The following TAF1 variants were observed in gnomAD, a reference collection of about 807,000 sequenced individuals.
The protein encoded by TAF1 is TATA-box binding protein associated factor 1, also known as transcription initiation factor TFIID subunit 1.
A neutral mutation model predicts 138.5 loss-of-function variants in TAF1; 2 were observed. The ratio of observed to expected loss-of-function variants is 0.01; its 90% CI spans 0.01 to 0.05. The LOEUF (loss-of-function observed/expected upper bound fraction) is 0.05, where lower values mean the gene tolerates loss of function less well. Ranked by LOEUF, TAF1 falls within the 10% of genes least tolerant of loss-of-function variation. TAF1 has a pLI of 1.00. For synonymous variants in TAF1, 437 were observed against 503.2 expected, an observed-to-expected ratio of 0.87 and a Z score of 1.76; for missense variants, 709 against 1,478.0, an observed-to-expected ratio of 0.48 and a Z score of 8.53.
chrX:71,459,107 A>G (rs1483520074), intron 35 of TAF1: 2 of 976,929 alleles, frequency 2.0e-6, no homozygotes, highest in African/African-American at 1.9e-5. Context: ...CTCCTCCTAC[A>G]GGCACGTCCC....
intron 34 of TAF1, among the ~76,000 whole-genome samples, chrX:71,457,580 T>C (rs912109846): frequency 8.9e-6 from 1 of 112,309 alleles, no homozygotes; most frequent in Non-Finnish European, 1.9e-5. Context: ...CTATAATATA[T>C]TGAGTACCAG....
At chrX:71,436,376 C>A (rs781494015) in intron 32 of TAF1, among the ~76,000 whole-genome samples, 3 of 108,638 alleles carry the variant, frequency 2.8e-5, no homozygotes, top group African/African-American at 1.0e-4. Flanking sequence ...CCACAACGCC[C>A]GGCTAATTTT....
At chrX:71,514,463 C>CAA (rs990209662) in intron 13 of TAF1, among the ~76,000 whole-genome samples, 162 of 39,717 alleles carry the variant, frequency 4.1e-3, no homozygotes, top group African/African-American at 0.013. Context: ...AAAACTAAAC[C>CAA]AAAAAAAAAA....
At chrX:71,487,617 C>A (rs193142836) in intron 13 of TAF1, among the ~76,000 whole-genome samples, 1 of 112,013 alleles carries the variant, frequency 8.9e-6, no homozygotes, top group African/African-American at 3.2e-5. Context: ...GCCACCGCAC[C>A]TGGCCTCATC....
chrX:71,406,326 C>CAA (rs1173763080), intron 25 of TAF1, among the ~76,000 whole-genome samples: 13 of 31,349 alleles, frequency 4.1e-4, no homozygotes, highest in Non-Finnish European at 4.5e-4. Flanking sequence ...AACTACATCT[C>CAA]AAAAAAAAAA....
intron 13 of TAF1, among the ~76,000 whole-genome samples, chrX:71,517,533 C>G (rs2147624351): frequency 8.9e-6 from 1 of 111,830 alleles, no homozygotes; most frequent in South Asian, 3.7e-4. Flanking sequence ...TGTGTGGCTT[C>G]TAACAGTTGA....
At chrX:71,390,493 C>T (rs2034494554) in intron 18 of TAF1, among the ~76,000 whole-genome samples, 1 of 111,477 alleles carries the variant, frequency 9.0e-6, no homozygotes, top group Admixed American at 9.6e-5. Flanking sequence ...TGATAATTCT[C>T]CTTTCATTAT....
chrX:71,384,828 C>G, intron 13 of TAF1, 117 bp from the exon 14 acceptor site: 1 of 526,315 alleles, frequency 1.9e-6, no homozygotes, highest in South Asian at 4.3e-5. Context: ...CGAAACACTT[C>G]TGGTCACAAG....
intron 13 of TAF1, among the ~76,000 whole-genome samples, chrX:71,474,154 AAG>A (rs760729685): frequency 5.2e-4 from 56 of 107,031 alleles, no homozygotes; most frequent in African/African-American, 1.8e-3. Flanking sequence ...AAAAGAAAGA[AAG>A]AGAGAGAGAG....
intron 22 of TAF1, 38 bp from the exon 23 acceptor site, chrX:71,397,215 A>C: frequency 8.5e-7 from 1 of 1,181,158 alleles, no homozygotes; most frequent in South Asian, 1.8e-5. Context: ...TTGGGAGATA[A>C]GGGGAACGTT....
At chrX:71,470,394 G>GTA (rs1476649262), downstream of TAF1, among the ~76,000 whole-genome samples, 27 of 109,558 alleles carry the variant, frequency 2.5e-4, no homozygotes, top group Non-Finnish European at 4.6e-4. Context: ...TTTTCTGTGT[G>GTA]TATATATATA....
chrX:71,420,728 C>G (rs2148587517), intron 28 of TAF1, among the ~76,000 whole-genome samples: 1 of 112,976 alleles, frequency 8.9e-6, no homozygotes, highest in South Asian at 3.6e-4. Context: ...GCCAGGGGCT[C>G]CCGAACCAGG....
intron 22 of TAF1, among the ~76,000 whole-genome samples, chrX:71,396,015 G>A (rs753740501): frequency 9.1e-6 from 1 of 109,741 alleles, no homozygotes; most frequent in South Asian, 4.0e-4. Context: ...CGGGCATGAT[G>A]GTGGGTGCCT....
chrX:71,393,666 A>C (rs1373363053), intron 21 of TAF1, among the ~76,000 whole-genome samples, 190 bp downstream of exon 21: 1 of 111,215 alleles, frequency 9.0e-6, no homozygotes, highest in African/African-American at 3.3e-5. Flanking sequence ...AACTTGGCAA[A>C]ATTTTTGAAC....
chrX:71,451,141 A>G (rs1212031333), intron 32 of TAF1, among the ~76,000 whole-genome samples: 2 of 112,879 alleles, frequency 1.8e-5, no homozygotes, highest in Admixed American at 1.9e-4. Context: ...TGTTTTATGT[A>G]TTATGGGTAT....
rs1479716855 is a variant in TAF1 at position 71,464,907 on chromosome X, C to T, written c.*861C>T. 9.0e-6 allele frequency: 1 copy of T among 111,125 alleles called. No homozygotes were observed. Among genetic ancestry groups the T allele is most frequent in the East Asian group, 2.8e-4 (1 of 3,564 alleles). The allele number at this position is 111,125 out of a possible 1,213,427, so 9.2% of individuals were successfully genotyped here. A position where few individuals can be genotyped will look rare whatever the true frequency, so the allele number is the denominator to read the frequency against. ...CCTAAATGGATTGGAGGCAAATTACCGTAAATTTTGAAACAGCCTATATGT... is the reference window on the plus strand; with the variant it reads ...CCTAAATGGATTGGAGGCAAATTACTGTAAATTTTGAAACAGCCTATATGT... On this transcript the variant is annotated 3_prime_UTR_variant, in exon 38 of 38. Coordinates refer to ENST00000423759, the MANE Select transcript of TAF1 (RefSeq NM_004606.5).
chrX:71,441,210 T>C (rs2037400141), intron 32 of TAF1, among the ~76,000 whole-genome samples: 1 of 111,025 alleles, frequency 9.0e-6, no homozygotes, highest in African/African-American at 3.3e-5. Flanking sequence ...GTGAAGTGAC[T>C]GTTCATTTCT....
chrX:71,410,457 T>TC (rs1215228790), intron 28 of TAF1, among the ~76,000 whole-genome samples: 2 of 92,344 alleles, frequency 2.2e-5, no homozygotes, highest in African/African-American at 7.9e-5. Flanking sequence ...CTTTTTTCTT[T>TC]TTTTTTTTTT....
intron 28 of TAF1, among the ~76,000 whole-genome samples, chrX:71,409,333 G>A (rs1322063389): frequency 1.8e-5 from 2 of 110,060 alleles, no homozygotes; most frequent in African/African-American, 6.6e-5. Context: ...TTGCCATGTT[G>A]CCCAGGCTGG....
Sources: allele counts gnomAD v4.1 joint callset (sites outside exome capture counted in the v4.1 genomes callset), GRCh38; gene constraint gnomAD v4.1.1; transcripts MANE v1.5; gene names NCBI Gene and HGNC (gene_info 2026-07-23, HGNC 2026-07-21).